Variants in ZNF407 observed in about 807,000 individuals in gnomAD.
ZNF407 encodes the protein zinc finger protein 407.
A neutral mutation model predicts 131.2 loss-of-function variants in ZNF407; 17 were observed. That is an observed-to-expected ratio of 0.13 (90% CI 0.09 to 0.19). The LOEUF (loss-of-function observed/expected upper bound fraction) is 0.19. ZNF407 is among the 10% of genes least tolerant of loss of function. The probability of loss-of-function intolerance (pLI) is 1.00; values close to 1 mark genes in which losing one functional copy is unlikely to be tolerated. For missense variants in ZNF407, 2,681 were observed against 2,830.6 expected (o/e 0.95, Z 1.20); for synonymous variants, 1,156 against 1,062.0 (o/e 1.09, Z -1.72).
chr18:74,631,645 T>C lies in ZNF407; in HGVS notation c.626T>C (p.Met209Thr), dbSNP rs1298717302. The change falls in exon 2 of 9, where the codon ATG (methionine) becomes ACG (threonine). Residue 209 changes from methionine (M) to threonine (T), a missense_variant. By Grantham distance (81) the Met-to-Thr change is moderately conservative. Coordinates refer to ENST00000299687, the MANE Select transcript of ZNF407 (RefSeq NM_017757.3). ...SDLEKHAESHMQQPKEHTCCH... is the reference protein window; with the variant it reads ...SDLEKHAESHTQQPKEHTCCH... ...TTGGAAAAACATGCTGAGTCTCACA[T>C]GCAGCAGCCTAAGGAACATACCTGT... 1.7e-5 allele frequency: 27 copies of C among 1,613,990 alleles called. No homozygotes were observed. The highest frequency in any genetic ancestry group is 2.3e-5 in the Non-Finnish European group (27 of 1,179,902).
At chr18:75,012,080 C>A (rs34005792) in intron 8 of ZNF407, among the ~76,000 whole-genome samples, 1 of 151,988 alleles carries the variant, frequency 6.6e-6, no homozygotes, top group Non-Finnish European at 1.5e-5. Flanking sequence ...TTAAAGTAAA[C>A]CTGTAACACT....
At chr18:74,639,834 T>G (rs922994465) in intron 2 of ZNF407, among the ~76,000 whole-genome samples, 1 of 152,138 alleles carries the variant, frequency 6.6e-6, no homozygotes. Flanking sequence ...GACTCTAAAA[T>G]TTTTTACTGA....
At chr18:74,981,637 G>T (rs1490571652) in intron 8 of ZNF407, among the ~76,000 whole-genome samples, 1 of 152,050 alleles carries the variant, frequency 6.6e-6, no homozygotes, top group Non-Finnish European at 1.5e-5. Flanking sequence ...CCTACGGAGG[G>T]CACTGTCGCT....
At chr18:75,056,252 C>G (rs1195558035) in intron 8 of ZNF407, among the ~76,000 whole-genome samples, 4 of 152,188 alleles carry the variant, frequency 2.6e-5, no homozygotes, top group Non-Finnish European at 5.9e-5. Flanking sequence ...AATTCTTAAT[C>G]TTGTATTTCA....
At chr18:74,786,793 GTTTTTTTTTTTTTTTTT>G (rs869103622) in intron 4 of ZNF407, among the ~76,000 whole-genome samples, 1 of 89,348 alleles carries the variant, frequency 1.1e-5, no homozygotes, top group Non-Finnish European at 2.1e-5. Context: ...AAAAAAGTAT[GTTTTTTTTTTTTTTTTT>G]TTTTTTTTTT....
At chr18:74,801,930 A>G (rs1970027270) in intron 4 of ZNF407, among the ~76,000 whole-genome samples, 1 of 152,224 alleles carries the variant, frequency 6.6e-6, no homozygotes, top group African/African-American at 2.4e-5. Flanking sequence ...TTGCTAGAAG[A>G]AAGTGCTCTT....
chr18:74,862,400 T>G (rs993034268), intron 4 of ZNF407, among the ~76,000 whole-genome samples: 1 of 152,210 alleles, frequency 6.6e-6, no homozygotes, highest in Admixed American at 6.5e-5. Flanking sequence ...TCTGAGAATT[T>G]TAACAACAGT....
At chr18:75,005,961 G>C (rs1972905613) in intron 8 of ZNF407, among the ~76,000 whole-genome samples, 1 of 152,034 alleles carries the variant, frequency 6.6e-6, no homozygotes, top group Admixed American at 6.6e-5. Flanking sequence ...TTAGAACATA[G>C]TACTGACTTT....
At chr18:74,674,618 T>G (rs1599059351) in intron 3 of ZNF407, among the ~76,000 whole-genome samples, 1 of 152,182 alleles carries the variant, frequency 6.6e-6, no homozygotes, top group African/African-American at 2.4e-5. Flanking sequence ...TCTACCACTA[T>G]CTCTACCTAA....
At chr18:74,677,784 C>T (rs1020615048) in intron 3 of ZNF407, among the ~76,000 whole-genome samples, 2 of 152,026 alleles carry the variant, frequency 1.3e-5, no homozygotes, top group Admixed American at 1.3e-4. Context: ...CCTGTTGTTT[C>T]TCTTGAGTTT....
intron 8 of ZNF407, among the ~76,000 whole-genome samples, chr18:75,044,595 A>C (rs1269967773): frequency 6.6e-6 from 1 of 152,184 alleles, no homozygotes; most frequent in Non-Finnish European, 1.5e-5. Flanking sequence ...TCTGACCTTG[A>C]AATAACCCTG....
intron 4 of ZNF407, among the ~76,000 whole-genome samples, chr18:74,818,239 C>T (rs1167464272): frequency 1.3e-5 from 2 of 152,194 alleles, no homozygotes; most frequent in Non-Finnish European, 1.5e-5. Context: ...CAGCAGCAAA[C>T]GCAGGCATTC....
intron 8 of ZNF407, among the ~76,000 whole-genome samples, chr18:75,057,585 A>C (rs1973575443): frequency 6.6e-6 from 1 of 152,204 alleles, no homozygotes; most frequent in Non-Finnish European, 1.5e-5. Flanking sequence ...TGTGCGGCCG[A>C]GGAGCCCAAG....
At chr18:75,002,349 C>G (rs1972855263) in intron 8 of ZNF407, among the ~76,000 whole-genome samples, 1 of 152,140 alleles carries the variant, frequency 6.6e-6, no homozygotes, top group Non-Finnish European at 1.5e-5. Context: ...CGCTAGGAGC[C>G]CTCTGTAGTC....
intron 3 of ZNF407, among the ~76,000 whole-genome samples, chr18:74,753,557 T>C (rs773495466): frequency 1.3e-5 from 2 of 152,226 alleles, no homozygotes; most frequent in Non-Finnish European, 2.9e-5. Flanking sequence ...TGAGAGTTTT[T>C]AGCATGAAGG....
chr18:74,712,204 G>C (rs1325598807), intron 3 of ZNF407, among the ~76,000 whole-genome samples: 1 of 152,150 alleles, frequency 6.6e-6, no homozygotes, highest in Admixed American at 6.5e-5. Context: ...TATTAGCAAG[G>C]CAATTGTATT....
intron 8 of ZNF407, among the ~76,000 whole-genome samples, chr18:74,985,265 G>C (rs1245207684): frequency 6.6e-6 from 1 of 152,166 alleles, no homozygotes; most frequent in African/African-American, 2.4e-5. Flanking sequence ...ACATTAATAT[G>C]TTCCTGTGTA....
At chr18:75,052,927 C>CT (rs1394958642) in intron 8 of ZNF407, among the ~76,000 whole-genome samples, 1 of 152,216 alleles carries the variant, frequency 6.6e-6, no homozygotes, top group Non-Finnish European at 1.5e-5. Context: ...TTCAAACAGG[C>CT]TTTTAGTGAA....
chr18:74,770,031 A>T (rs1167029770), intron 3 of ZNF407, among the ~76,000 whole-genome samples: 1 of 152,038 alleles, frequency 6.6e-6, no homozygotes, highest in Admixed American at 6.6e-5. Flanking sequence ...GGCTTAATGG[A>T]TATGCACCTC....
Sources: allele counts gnomAD v4.1 joint callset (sites outside exome capture counted in the v4.1 genomes callset), GRCh38; gene constraint gnomAD v4.1.1; transcripts MANE v1.5; gene names NCBI Gene and HGNC (gene_info 2026-07-23, HGNC 2026-07-21).